Variants in TTC23L observed in about 807,000 individuals in gnomAD.
TTC23L encodes tetratricopeptide repeat protein 23-like.
A neutral mutation model predicts 48.1 loss-of-function variants in TTC23L; 42 were observed. The observed-to-expected ratio is 0.87, with a 90% CI of 0.68 to 1.13. The LOEUF is 1.13. Ranked by LOEUF, TTC23L falls within the 50% of genes most tolerant of loss-of-function variation. The pLI is 0.00. For synonymous variants in TTC23L, 159 were observed against 157.2 expected (o/e 1.01, Z -0.09); for missense variants, 391 against 421.0 (o/e 0.93, Z 0.62).
the TTC23L span, among the ~76,000 whole-genome samples, chr5:34,910,298 GTACCTGAATTTTT>G: frequency 2.0e-5 from 3 of 152,096 alleles, no homozygotes; most frequent in African/African-American, 7.2e-5. Flanking sequence ...ACTGTTTTAA[GTACCTGAATTTTT>G]TACTTCATTC....
the TTC23L span, chr5:34,925,235 GTCATAAGATCCA>G: frequency 6.4e-7 from 1 of 1,555,224 alleles, no homozygotes; most frequent in Non-Finnish European, 8.7e-7. Flanking sequence ...GCATCGGCGT[GTCATAAGATCCA>G]TCACAGCTGC....
chr5:34,913,502 C>A, the TTC23L span: 1 of 1,596,102 alleles, frequency 6.3e-7, no homozygotes, highest in Admixed American at 1.7e-5. Context: ...AATAGATAAA[C>A]AGTCTAAAAG....
intron 8 of TTC23L, among the ~76,000 whole-genome samples, chr5:34,874,192 A>G (rs1465080175): frequency 6.6e-6 from 1 of 152,240 alleles, no homozygotes; most frequent in East Asian, 1.9e-4. Flanking sequence ...CTATCTCCAC[A>G]GGAACCAGTA....
At chr5:34,893,741 G>A (rs1008052638) in intron 9 of TTC23L, among the ~76,000 whole-genome samples, 3 of 152,136 alleles carry the variant, frequency 2.0e-5, no homozygotes, top group Non-Finnish European at 2.9e-5. Context: ...GGATCACGCA[G>A]AAAGAGGAAC....
At chr5:34,874,247 A>G (rs536361920) in intron 8 of TTC23L, among the ~76,000 whole-genome samples, 1 of 152,328 alleles carries the variant, frequency 6.6e-6, no homozygotes, top group South Asian at 2.1e-4. Context: ...TTCTTCAGAG[A>G]AAAGGAAAAT....
the TTC23L span, chr5:34,922,606 A>G: frequency 6.3e-7 from 1 of 1,596,178 alleles, no homozygotes; most frequent in Non-Finnish European, 8.6e-7. Flanking sequence ...GACTCAATAA[A>G]TTTTTTTAGA....
chr5:34,913,675 A>G, the TTC23L span: 1 of 699,164 alleles, frequency 1.4e-6, no homozygotes, highest in Admixed American at 2.8e-5. Context: ...AAAATACAAT[A>G]CTGTGCTAAT....
At position 34,888,469 on chromosome 5, in the gene TTC23L, A is replaced by C. The variant is rs556491663; in HGVS notation, c.1077+8161A>C. 11 of 985,322 alleles carry C rather than the reference A, an allele frequency of 1.1e-5. No homozygotes were observed. In the East Asian group the frequency reaches 1.1e-3, roughly 102 times the overall value. The allele number at this position is 985,322 out of a possible 1,614,324, so 61.0% of individuals were successfully genotyped here. ...ACCTCACCTAGTGTCTGATGATTCA[A>C]ATCTTTGTATATGGAGGTGAACACA... is the stretch of plus-strand genomic sequence containing the variant. On this transcript the variant is annotated intron_variant, in intron 9 of 10. Coordinates refer to ENST00000505624, the Ensembl canonical transcript of TTC23L.
intron 9 of TTC23L, among the ~76,000 whole-genome samples, chr5:34,883,803 T>G (rs1762385987): frequency 6.6e-6 from 1 of 152,228 alleles, no homozygotes; most frequent in South Asian, 2.1e-4. Context: ...CCAGATGGCT[T>G]CATTGGTGAA....
At position 34,882,618 on chromosome 5, in the gene TTC23L, TACACACAC is replaced by T. The variant is rs146120966; in HGVS notation, c.1077+2344_1077+2351del. ...AGACTTGGGAATTGTTCCCATGGAC[TACACACAC>T]ACACACACACACACACACACACACA... On this transcript the variant is annotated intron_variant, in intron 9 of 10. Coordinates refer to ENST00000505624, the Ensembl canonical transcript of TTC23L. Among the ~76,000 whole-genome samples the T allele has an allele frequency of 2.2e-3, 306 of 140,742 alleles. 2 individuals carry two copies. Among genetic ancestry groups the T allele is most frequent in the Middle Eastern group, 7.3e-3 (2 of 274 alleles). 92.3% of individuals were successfully genotyped at this position (140,742 alleles called of 152,430 possible). A position where few individuals can be genotyped will look rare whatever the true frequency, so the allele number is the denominator to read the frequency against.
the TTC23L span, chr5:34,925,644 CT>C: frequency 3.2e-6 from 2 of 630,378 alleles, no homozygotes. Context: ...CAGTGATTAT[CT>C]TTTTCTAAAT....
the TTC23L span, chr5:34,913,437 C>G: frequency 3.1e-6 from 4 of 1,302,352 alleles, no homozygotes; most frequent in Non-Finnish European, 4.3e-6. Context: ...CTATGTATAA[C>G]ACTTTTATGT....
intron 2 of TTC23L, among the ~76,000 whole-genome samples, chr5:34,843,394 C>A (rs1274123022): frequency 6.6e-6 from 1 of 152,190 alleles, no homozygotes; most frequent in Non-Finnish European, 1.5e-5. Flanking sequence ...TTCTCACCTT[C>A]TATAACATGA....
chr5:34,845,183 C>A (rs968910743), intron 2 of TTC23L, among the ~76,000 whole-genome samples: 12 of 152,164 alleles, frequency 7.9e-5, no homozygotes, highest in African/African-American at 2.9e-4. Context: ...ATCCCATAAC[C>A]TCATCAAGTA....
chr5:34,869,218 A>G lies in TTC23L; in HGVS notation c.949+205A>G, dbSNP rs1189602336. 11 of 486,026 alleles carry G rather than the reference A, an allele frequency of 2.3e-5. No individual in the cohort carries two copies. The East Asian group carries it at 4.2e-4, about 18-fold the overall frequency. The allele number at this position is 486,026 out of a possible 1,614,324, so 30.1% of individuals were successfully genotyped here. ...TCGTTGGAATGTCAGTAACAAATAA[A>G]TCATCTGATTTCTACATCCTCTATT... On this transcript the variant is annotated intron_variant, in intron 8 of 10. Coordinates refer to ENST00000505624, the Ensembl canonical transcript of TTC23L.
At chr5:34,883,559 A>G (rs1580477279) in intron 9 of TTC23L, 1 of 153,802 alleles carries the variant, frequency 6.5e-6, no homozygotes, top group East Asian at 1.9e-4. Flanking sequence ...AGAGAAGACT[A>G]AAATAAATAA....
At chr5:34,879,764 G>T (rs1211208564) in intron 8 of TTC23L, among the ~76,000 whole-genome samples, 2 of 152,124 alleles carry the variant, frequency 1.3e-5, no homozygotes, top group Non-Finnish European at 2.9e-5. Context: ...TTGGGAGGCC[G>T]AGGTGGGCGG....
intron 9 of TTC23L, among the ~76,000 whole-genome samples, chr5:34,889,635 T>C (rs547311943): frequency 1.1e-3 from 165 of 152,270 alleles, no homozygotes; most frequent in Middle Eastern, 0.01. Context: ...GTTACAAGGA[T>C]ACAGAGGATC....
intron 4 of TTC23L, among the ~76,000 whole-genome samples, chr5:34,858,018 C>T (rs1396885954): frequency 6.6e-6 from 1 of 152,166 alleles, no homozygotes; most frequent in East Asian, 1.9e-4. Flanking sequence ...GTAGCAGAAT[C>T]GATGATAGAA....
Sources: gnomAD v4.1 joint callset for allele counts (sites outside exome capture counted in the v4.1 genomes callset) on GRCh38, gnomAD v4.1.1 for gene constraint, MANE v1.5 for transcripts, NCBI Gene and HGNC (gene_info 2026-07-23, HGNC 2026-07-21) for gene names.